Variants in RABEP1 observed in about 807,000 individuals in gnomAD.
RABEP1 encodes rab GTPase-binding effector protein 1.
A neutral mutation model predicts 123.4 loss-of-function variants in RABEP1; 51 were observed. The ratio of observed to expected loss-of-function variants is 0.41; its 90% confidence interval spans 0.33 to 0.52. RABEP1 has a LOEUF of 0.52. RABEP1 is among the 20% of genes least tolerant of loss of function. The pLI, the probability that RABEP1 is intolerant of heterozygous loss-of-function variation, is 0.16. For missense variants in RABEP1, 888 were observed against 996.3 expected, an observed-to-expected ratio of 0.89 and a Z score of 1.46; for synonymous variants, 347 against 355.2, an observed-to-expected ratio of 0.98 and a Z score of 0.26.
intron 8 of RABEP1, among the ~76,000 whole-genome samples, chr17:5,356,914 T>C (rs1377702104): frequency 5.2e-4 from 74 of 143,196 alleles, no homozygotes; most frequent in African/African-American, 8.1e-4. Flanking sequence ...GGGTCTCACT[T>C]TCACCCAGGC....
At position 5,383,273 on chromosome 17, in the gene RABEP1, T is replaced by G; in HGVS notation, c.*50T>G. ...TGCACTTTGGGTTTTTAACTCATCT[T>G]TAGAGCAACAGTAATTATTATTTAA... On this transcript the variant is annotated 3_prime_UTR_variant, in exon 18 of 18. Transcript: ENST00000537505. 1 of 1,369,976 alleles carries G rather than the reference T, an allele frequency of 7.3e-7. No individual in the cohort carries two copies. Among genetic ancestry groups the G allele is most frequent in the Non-Finnish European group, 1.0e-6 (1 of 959,112 alleles). 84.9% of individuals were successfully genotyped at this position (1,369,976 alleles called of 1,614,324 possible). A position where few individuals can be genotyped will look rare whatever the true frequency, so the allele number is the denominator to read the frequency against.
In RABEP1 at chr17:5,308,689, C is replaced by T. The variant is rs565071442; in HGVS notation, c.35-5C>T. 2.5e-6 allele frequency: 4 copies of T among 1,596,694 alleles called. No homozygotes were observed. Among genetic ancestry groups the T allele is most frequent in the Middle Eastern group, 1.7e-4 (1 of 5,978 alleles). The stretch of plus-strand genomic sequence containing the variant: ...TACTTGTTAACTAGTGTTTTTTTCC[C>T]CCAGTTTCTCTTCAGCAACGGGTAG... On this transcript the variant is annotated splice_region_variant and splice_polypyrimidine_tract_variant and intron_variant, in intron 1 of 17. Transcript: ENST00000537505.
intron 5 of RABEP1, among the ~76,000 whole-genome samples, chr17:5,346,444 C>G (rs1040838624): frequency 6.6e-6 from 1 of 152,066 alleles, no homozygotes; most frequent in African/African-American, 2.4e-5. Flanking sequence ...TTTAAAAAAG[C>G]AAAACATACC....
intron 10 of RABEP1, 31 bp from the exon 11 acceptor site, chr17:5,365,091 G>A (rs1909900536): frequency 1.4e-6 from 2 of 1,410,620 alleles, no homozygotes; most frequent in African/African-American, 1.5e-5. Context: ...AAGGATTCTG[G>A]TTTTTCTAAT....
At chr17:5,293,925 T>G (rs1385815530) in intron 1 of RABEP1, among the ~76,000 whole-genome samples, 3 of 152,216 alleles carry the variant, frequency 2.0e-5, no homozygotes, top group African/African-American at 7.2e-5. Context: ...GTTTGTCAAG[T>G]TGGATCTTCC....
intron 4 of RABEP1, among the ~76,000 whole-genome samples, chr17:5,337,647 C>T (rs918498368): frequency 2.6e-5 from 4 of 151,900 alleles, no homozygotes; most frequent in African/African-American, 9.7e-5. Flanking sequence ...GAGCGGAGAT[C>T]GTGGCACTGC....
chr17:5,287,616 A>C (rs1447134716), intron 1 of RABEP1, among the ~76,000 whole-genome samples: 10 of 151,250 alleles, frequency 6.6e-5, no homozygotes, highest in South Asian at 4.2e-4. Context: ...AAAAAAAAAA[A>C]AAAAAAACCC....
chr17:5,345,293 C>G (rs1567535278), intron 5 of RABEP1, among the ~76,000 whole-genome samples: 1 of 137,116 alleles, frequency 7.3e-6, no homozygotes, highest in Non-Finnish European at 1.6e-5. Context: ...CCTGATACCA[C>G]GTACATTTTT....
At chr17:5,300,901 A>G (rs12602829) in intron 1 of RABEP1, among the ~76,000 whole-genome samples, 25,618 of 152,132 alleles carry the variant, frequency 0.17, 2,253 homozygotes, top group Middle Eastern at 0.22. Context: ...TTTAGCCTGC[A>G]TCTAAAAGGG....
intron 7 of RABEP1, among the ~76,000 whole-genome samples, chr17:5,351,130 A>G (rs1908512238): frequency 6.7e-6 from 1 of 148,640 alleles, no homozygotes; most frequent in South Asian, 2.1e-4. Context: ...AGGGAAGCCA[A>G]AAGATTGGAC....
At chr17:5,347,100 C>T (rs889309698) in intron 6 of RABEP1, among the ~76,000 whole-genome samples, 175 bp downstream of exon 6, 3 of 152,114 alleles carry the variant, frequency 2.0e-5, no homozygotes, top group African/African-American at 2.4e-5. Context: ...GTTTTTCCTT[C>T]GTGAGCTCAG....
intron 12 of RABEP1, among the ~76,000 whole-genome samples, chr17:5,369,134 A>T (rs1013957387): frequency 6.6e-6 from 1 of 152,030 alleles, no homozygotes; most frequent in Non-Finnish European, 1.5e-5. Flanking sequence ...TAACCTTATT[A>T]GTTTCACAGG....
At chr17:5,358,270 C>CATT (rs1567542003) in intron 8 of RABEP1, among the ~76,000 whole-genome samples, 9 of 81,180 alleles carry the variant, frequency 1.1e-4, no homozygotes, top group East Asian at 3.4e-3. Context: ...TACAATTTTT[C>CATT]GTTATAAGTA....
In RABEP1 at chr17:5,282,316, G is replaced by A. The variant is rs1036997570; in HGVS notation, c.-171G>A. 2.2e-6 allele frequency: 1 copy of A among 447,566 alleles called. No individual in the cohort carries two copies. Among genetic ancestry groups the A allele is most frequent in the Non-Finnish European group, 3.7e-6 (1 of 268,366 alleles). 27.7% of individuals were successfully genotyped at this position (447,566 alleles called of 1,614,324 possible). On this transcript the variant is annotated 5_prime_UTR_variant, in exon 1 of 18. Coordinates refer to ENST00000537505, the MANE Select transcript of RABEP1 (RefSeq NM_004703.6). ...TGAGGAGGCGGAGGTCGGCGGTCGG[G>A]TCCGTCTCTGCCCGCGGCTGTGGCG...
chr17:5,368,094 C>T (rs968972558), intron 11 of RABEP1, among the ~76,000 whole-genome samples: 6 of 152,042 alleles, frequency 3.9e-5, no homozygotes, highest in Non-Finnish European at 8.8e-5. Flanking sequence ...ATAGCTACAA[C>T]TAGGTCACGT....
chr17:5,366,874 G>A (rs967914322), intron 11 of RABEP1, among the ~76,000 whole-genome samples: 1 of 151,718 alleles, frequency 6.6e-6, no homozygotes, highest in Non-Finnish European at 1.5e-5. Flanking sequence ...CAGATTACCT[G>A]AGGTCAGGAG....
At chr17:5,381,643 C>T (rs769873377) in intron 17 of RABEP1, 138 bp downstream of exon 17, 2 of 1,390,108 alleles carry the variant, frequency 1.4e-6, no homozygotes, top group Middle Eastern at 4.6e-4. Flanking sequence ...AAATGTCTGA[C>T]TCATCATTCA....
intron 7 of RABEP1, among the ~76,000 whole-genome samples, chr17:5,352,164 G>GGAC (rs1908612388): frequency 1.3e-5 from 2 of 151,274 alleles, no homozygotes; most frequent in African/African-American, 4.9e-5. Context: ...CATTCGTCTT[G>GGAC]TGTGTAGTCA....
In RABEP1 at chr17:5,386,036, TAAATAA is replaced by T; in HGVS notation, c.*2816_*2821del. 1 of 560,874 alleles carries T rather than the reference TAAATAA, an allele frequency of 1.8e-6. No homozygotes were observed. Among genetic ancestry groups the T allele is most frequent in the South Asian group, 2.7e-5 (1 of 36,428 alleles). 34.7% of individuals were successfully genotyped at this position (560,874 alleles called of 1,614,324 possible). On this transcript the variant is annotated 3_prime_UTR_variant, in exon 18 of 18. Transcript: ENST00000537505. The stretch of plus-strand genomic sequence containing the variant: ...GAGTTATAAAGCACATTCCAAATTT[TAAATAA>T]AAGCATTTACTCAATTATTATAAAA...
Sources: gnomAD v4.1 joint callset for allele counts (sites outside exome capture counted in the v4.1 genomes callset) on GRCh38, gnomAD v4.1.1 for gene constraint, MANE v1.5 for transcripts, NCBI Gene and HGNC (gene_info 2026-07-23, HGNC 2026-07-21) for gene names.